HIP1: variants seen among roughly 807,000 people sequenced by gnomAD.
HIP1 encodes huntingtin-interacting protein 1.
A neutral mutation model predicts 147.6 loss-of-function variants in HIP1; 65 were observed. The ratio of observed to expected loss-of-function variants is 0.44; its 90% CI spans 0.36 to 0.54. The LOEUF is 0.54. Among genes scored for constraint, HIP1 ranks in the 20% least tolerant of loss-of-function variants. The probability of loss-of-function intolerance (pLI) is 0.00; values close to 1 mark genes in which losing one functional copy is unlikely to be tolerated. For missense variants in HIP1, 1,061 were observed against 1,299.6 expected (o/e 0.82, Z 2.82); for synonymous variants, 479 against 504.0 (o/e 0.95, Z 0.67).
chr7:75,567,706 C>G (rs901119349), intron 9 of HIP1, among the ~76,000 whole-genome samples: 8 of 151,708 alleles, frequency 5.3e-5, no homozygotes, highest in Non-Finnish European at 8.8e-5. Flanking sequence ...GAGGCTGATG[C>G]AGGAGAATCA....
At chr7:75,558,605 T>G (rs1239957692) in intron 14 of HIP1, among the ~76,000 whole-genome samples, 2 of 152,214 alleles carry the variant, frequency 1.3e-5, no homozygotes, top group Non-Finnish European at 2.9e-5. Context: ...CATGAGCCAC[T>G]GTGCCCGGCC....
At chr7:75,736,929 C>T (rs556231020) in intron 1 of HIP1, among the ~76,000 whole-genome samples, 10 of 148,952 alleles carry the variant, frequency 6.7e-5, no homozygotes, top group African/African-American at 2.5e-4. Context: ...TTCTTTTTTT[C>T]ACTTTTTTGT....
intron 8 of HIP1, among the ~76,000 whole-genome samples, chr7:75,569,805 G>T (rs1795541327): frequency 6.6e-6 from 1 of 152,156 alleles, no homozygotes; most frequent in African/African-American, 2.4e-5. Context: ...AGGGAAGTTT[G>T]AGAAGTGAAA....
intron 1 of HIP1, among the ~76,000 whole-genome samples, chr7:75,663,934 GTATATATA>G (rs72121686): frequency 4.0e-5 from 1 of 25,174 alleles, no homozygotes; most frequent in East Asian, 8.8e-4. Flanking sequence ...ATGTATGTGT[GTATATATA>G]TATATACACA....
chr7:75,541,943 G>T lies in HIP1; in HGVS notation c.2928C>A (p.Ile976=), dbSNP rs1794339337. 2 of 1,613,818 alleles carry T rather than the reference G, an allele frequency of 1.2e-6. No homozygotes were observed. The highest frequency in any genetic ancestry group is 1.6e-4 in the Middle Eastern group (1 of 6,062). The change falls in exon 29 of 31, where the codon ATC becomes ATA. Residue 976 remains isoleucine (I), a synonymous_variant. Transcript: ENST00000336926. The part of the protein sequence containing the change: ...MDFSSMTLTQ[I]KRQEMDSQVR... ...CCTGAGAATCCATCTCTTGGCGTTT[G>T]ATCTGTGTCAGCGTCATGCTTGAGA...
intron 1 of HIP1, among the ~76,000 whole-genome samples, chr7:75,698,853 G>A (rs536285429): frequency 3.3e-5 from 5 of 152,046 alleles, no homozygotes; most frequent in East Asian, 1.9e-4. Context: ...TGCAAGGAGC[G>A]AGGAAGATAA....
intron 1 of HIP1, among the ~76,000 whole-genome samples, chr7:75,710,117 T>C (rs1398582469): frequency 6.6e-6 from 1 of 152,084 alleles, no homozygotes; most frequent in Non-Finnish European, 1.5e-5. Flanking sequence ...AGACTGGTCT[T>C]GAACTCCTAG....
In HIP1 at chr7:75,595,254, TCC is replaced by T. The variant is rs1491326904; in HGVS notation, c.185-2742_185-2741del. On this transcript the variant is annotated intron_variant, in intron 2 of 30. Coordinates refer to ENST00000336926, the MANE Select transcript of HIP1 (RefSeq NM_005338.7). ...TTTCTTTCTTTCTTTCTTTCTTTCT[TCC>T]TTCCTTCCTTCCTTCCTTCCTTCCT... 4.2e-3 allele frequency among the ~76,000 whole-genome samples: 374 copies of T among 89,376 alleles called. 1 individual carries two copies. The highest frequency in any genetic ancestry group is 0.038 in the Middle Eastern group (8 of 210). The allele number at this position is 89,376 out of a possible 152,430, so 58.6% of individuals were successfully genotyped here.
At chr7:75,691,465 T>G (rs576083576) in intron 1 of HIP1, among the ~76,000 whole-genome samples, 1 of 148,758 alleles carries the variant, frequency 6.7e-6, no homozygotes, top group Non-Finnish European at 1.5e-5. Context: ...CACTCCAGCC[T>G]GGGTGACAGA....
intron 1 of HIP1, among the ~76,000 whole-genome samples, chr7:75,686,138 C>T (rs1800254627): frequency 6.6e-6 from 1 of 152,078 alleles, no homozygotes; most frequent in Non-Finnish European, 1.5e-5. Flanking sequence ...AATCCACCTG[C>T]CTCGGCCTCC....
rs185582808 is a variant in HIP1, at chr7:75,723,988, G to A, written c.120+14813C>T. 6.8e-3 allele frequency among the ~76,000 whole-genome samples: 1,021 copies of A among 150,864 alleles called. 17 individuals are homozygous for A. Among genetic ancestry groups the A allele is most frequent in the African/African-American group, 0.024 (977 of 41,126 alleles). ...GAGAGAGAAAGAGAGACAGAGTCTCGCTCTGTCACCCATGCTGGAGTACAG... is the reference window on the plus strand; with the variant it reads ...GAGAGAGAAAGAGAGACAGAGTCTCACTCTGTCACCCATGCTGGAGTACAG... On this transcript the variant is annotated intron_variant, in intron 1 of 30. Transcript: ENST00000336926.
chr7:75,659,304 T>C (rs546600746), intron 1 of HIP1, among the ~76,000 whole-genome samples: 1 of 152,326 alleles, frequency 6.6e-6, no homozygotes, highest in South Asian at 2.1e-4. Flanking sequence ...GAATGCCCAT[T>C]GCCAGACATG....
intron 1 of HIP1, among the ~76,000 whole-genome samples, chr7:75,644,160 G>T (rs1798732118): frequency 6.6e-6 from 1 of 152,078 alleles, no homozygotes. Flanking sequence ...TGAAAAACAG[G>T]CTAATAAACA....
In HIP1 at chr7:75,557,619, T is replaced by G. The variant is rs782075910; in HGVS notation, c.1581+35A>C. 4 of 1,439,974 alleles carry G rather than the reference T, an allele frequency of 2.8e-6. No individual in the cohort carries two copies. The South Asian group carries it at 3.4e-5, about 12-fold the overall frequency. 89.2% of individuals were successfully genotyped at this position (1,439,974 alleles called of 1,614,324 possible). ...CCCCGCCACCAACTCAACAGCCCCC[T>G]CCCTCATTTCCCGAGTGCTCCTCGT... is the stretch of plus-strand genomic sequence containing the variant. On this transcript the variant is annotated intron_variant, in intron 16 of 30. Coordinates refer to ENST00000336926, the MANE Select transcript of HIP1 (RefSeq NM_005338.7).
chr7:75,685,097 A>C (rs923430297), intron 1 of HIP1, among the ~76,000 whole-genome samples: 58 of 152,018 alleles, frequency 3.8e-4, no homozygotes, highest in African/African-American at 1.2e-3. Flanking sequence ...TCTCAAAAAA[A>C]ATAAATAAAT....
At chr7:75,613,831 T>A (rs1797531040) in intron 1 of HIP1, among the ~76,000 whole-genome samples, 1 of 151,708 alleles carries the variant, frequency 6.6e-6, no homozygotes, top group Non-Finnish European at 1.5e-5. Context: ...ATTCGAGCAA[T>A]CTCCCATCTC....
At chr7:75,566,248 C>T (rs2116859378) in intron 9 of HIP1, among the ~76,000 whole-genome samples, 1 of 151,166 alleles carries the variant, frequency 6.6e-6, no homozygotes, top group East Asian at 1.9e-4. Context: ...TCTTGAACTC[C>T]TGACCTCAAG....
chr7:75,718,662 C>A (rs2093695370), intron 1 of HIP1, among the ~76,000 whole-genome samples: 1 of 152,210 alleles, frequency 6.6e-6, no homozygotes, highest in African/African-American at 2.4e-5. Flanking sequence ...CTGGATAGTT[C>A]TGTCTGCATC....
rs10546838 is a variant in HIP1, at chr7:75,681,497, C to CTT, written c.120+57302_120+57303dup. The stretch of plus-strand genomic sequence containing the variant: ...CCACCCCACAGCACCACAGCACCTG[C>CTT]TTTTTTTTTTTTTTTTTTTTTTTTT... On this transcript the variant is annotated intron_variant, in intron 1 of 30. Coordinates refer to ENST00000336926, the MANE Select transcript of HIP1 (RefSeq NM_005338.7). 7.4e-3 allele frequency among the ~76,000 whole-genome samples: 915 copies of CTT among 124,030 alleles called. 102 individuals carry two copies. Among genetic ancestry groups the CTT allele is most frequent in the Non-Finnish European group, 0.011 (632 of 59,826 alleles). The allele number at this position is 124,030 out of a possible 152,430, so 81.4% of individuals were successfully genotyped here.
Sources: allele counts gnomAD v4.1 joint callset (sites outside exome capture counted in the v4.1 genomes callset), GRCh38; gene constraint gnomAD v4.1.1; transcripts MANE v1.5; gene names NCBI Gene and HGNC (gene_info 2026-07-23, HGNC 2026-07-21).